The following MARCHF1 variants were observed in gnomAD, a reference collection of about 807,000 sequenced individuals.
MARCHF1 encodes E3 ubiquitin-protein ligase MARCHF1.
Under a neutral mutation model 54.2 loss-of-function variants are expected in MARCHF1, and 40 were observed. The ratio of observed to expected loss-of-function variants is 0.74; its 90% CI spans 0.57 to 0.96. The LOEUF is 0.96. MARCHF1 is among the 40% of genes least tolerant of loss of function. MARCHF1 has a pLI of 0.00. For synonymous variants in MARCHF1, 236 were observed against 236.3 expected, an observed-to-expected ratio of 1.00 and a Z score of 0.01; for missense variants, 586 against 656.5, an observed-to-expected ratio of 0.89 and a Z score of 1.17.
intron 1 of MARCHF1, among the ~76,000 whole-genome samples, chr4:164,382,701 C>T (rs925142795): frequency 6.6e-6 from 1 of 151,972 alleles, no homozygotes; most frequent in Non-Finnish European, 1.5e-5. Flanking sequence ...AAAATTGAAC[C>T]TCCTAAACAA....
intron 1 of MARCHF1, among the ~76,000 whole-genome samples, chr4:164,239,584 C>T (rs982170611): frequency 6.6e-6 from 1 of 151,996 alleles, no homozygotes; most frequent in Non-Finnish European, 1.5e-5. Context: ...TGTCAGGGTG[C>T]ACTACAGTAT....
At chr4:164,066,337 C>G (rs1334858011) in intron 2 of MARCHF1, among the ~76,000 whole-genome samples, 1 of 152,110 alleles carries the variant, frequency 6.6e-6, no homozygotes, top group East Asian at 1.9e-4. Context: ...TAACACTAGT[C>G]AGAGTGGTTA....
chr4:164,349,659 T>G (rs1730220894), intron 1 of MARCHF1, among the ~76,000 whole-genome samples: 1 of 152,206 alleles, frequency 6.6e-6, no homozygotes, highest in African/African-American at 2.4e-5. Context: ...TTTATAGGAC[T>G]TGAATATCAT....
intron 3 of MARCHF1, among the ~76,000 whole-genome samples, chr4:163,856,208 T>G (rs1426614017): frequency 6.6e-6 from 1 of 152,226 alleles, no homozygotes; most frequent in Non-Finnish European, 1.5e-5. Flanking sequence ...TGAAGTATTA[T>G]AACAAAATGC....
chr4:163,560,536 T>C (rs935270968), intron 8 of MARCHF1, among the ~76,000 whole-genome samples: 2 of 152,196 alleles, frequency 1.3e-5, no homozygotes, highest in African/African-American at 4.8e-5. Context: ...TTTAAAATTA[T>C]TTTGGCAATT....
At chr4:164,050,062 G>A (rs150638541) in intron 2 of MARCHF1, among the ~76,000 whole-genome samples, 2,230 of 151,944 alleles carry the variant, frequency 0.015, 48 homozygotes, top group African/African-American at 0.048. Flanking sequence ...ATCACTTGAG[G>A]TCAGGAGTTT....
At chr4:163,887,121 T>C (rs578079367) in intron 3 of MARCHF1, among the ~76,000 whole-genome samples, 1 of 152,186 alleles carries the variant, frequency 6.6e-6, no homozygotes, top group African/African-American at 2.4e-5. Flanking sequence ...GAGATTTTAG[T>C]AGGAAACAGA....
intron 2 of MARCHF1, among the ~76,000 whole-genome samples, chr4:164,050,966 A>C (rs868426588): frequency 6.6e-6 from 1 of 152,138 alleles, no homozygotes; most frequent in Middle Eastern, 3.4e-3. Context: ...TAATAATAAT[A>C]TCCGTGAGAT....
At chr4:164,301,027 C>T (rs1734544209) in intron 1 of MARCHF1, among the ~76,000 whole-genome samples, 1 of 151,870 alleles carries the variant, frequency 6.6e-6, no homozygotes, top group South Asian at 2.1e-4. Flanking sequence ...AGTTGCCTAG[C>T]ATAAGATCTT....
chr4:163,585,556 A>G (rs1414808629), intron 8 of MARCHF1, 193 bp downstream of exon 8: 7 of 419,910 alleles, frequency 1.7e-5, no homozygotes, highest in Middle Eastern at 6.1e-4. Flanking sequence ...GCTCTAGAAT[A>G]TAAAACATAG....
chr4:163,573,727 G>T (rs9996813), intron 8 of MARCHF1, among the ~76,000 whole-genome samples: 1 of 151,220 alleles, frequency 6.6e-6, no homozygotes, highest in South Asian at 2.1e-4. Flanking sequence ...GGACATTTGG[G>T]TTGGTCCCAA....
chr4:163,780,684 A>T (rs1747439578), intron 4 of MARCHF1, among the ~76,000 whole-genome samples: 1 of 152,220 alleles, frequency 6.6e-6, no homozygotes, highest in South Asian at 2.1e-4. Context: ...ATTTGAAAAA[A>T]GTGTGCATAG....
chr4:163,660,572 T>TAA (rs112938692), intron 5 of MARCHF1, among the ~76,000 whole-genome samples: 11 of 143,830 alleles, frequency 7.6e-5, no homozygotes, highest in South Asian at 2.2e-4. Context: ...AAGTAAAACT[T>TAA]AAAAAAAAAA....
intron 3 of MARCHF1, among the ~76,000 whole-genome samples, chr4:163,900,310 G>C (rs374763851): frequency 6.6e-6 from 1 of 150,740 alleles, no homozygotes; most frequent in Non-Finnish European, 1.5e-5. Context: ...AGCAGACATC[G>C]TTATGTTCCT....
chr4:163,700,314 G>A (rs765914243), intron 5 of MARCHF1, among the ~76,000 whole-genome samples: 1 of 151,996 alleles, frequency 6.6e-6, no homozygotes, highest in East Asian at 1.9e-4. Context: ...AGACTAGCCT[G>A]GTCAACATGG....
At chr4:163,667,313 C>G (rs1179065968) in intron 5 of MARCHF1, among the ~76,000 whole-genome samples, 1 of 152,050 alleles carries the variant, frequency 6.6e-6, no homozygotes, top group Non-Finnish European at 1.5e-5. Context: ...AGATGACCCA[C>G]CAACAAGTGA....
intron 2 of MARCHF1, among the ~76,000 whole-genome samples, chr4:164,050,131 C>G (rs1040625225): frequency 4.6e-5 from 7 of 151,468 alleles, no homozygotes; most frequent in African/African-American, 1.7e-4. Flanking sequence ...ACAAATTAGC[C>G]CGGTGTCATG....
chr4:164,146,726 G>T (rs1729756167), intron 1 of MARCHF1, among the ~76,000 whole-genome samples: 1 of 152,130 alleles, frequency 6.6e-6, no homozygotes, highest in Non-Finnish European at 1.5e-5. Context: ...AACCCTAGAA[G>T]AAAACCTAGG....
At chr4:163,935,741 T>C (rs1751782692) in intron 3 of MARCHF1, among the ~76,000 whole-genome samples, 1 of 147,936 alleles carries the variant, frequency 6.8e-6, no homozygotes, top group Admixed American at 6.9e-5. Flanking sequence ...CTTTAAGTTT[T>C]AGGGTACATG....
Sources: gnomAD v4.1 joint callset for allele counts (sites outside exome capture counted in the v4.1 genomes callset) on GRCh38, gnomAD v4.1.1 for gene constraint, MANE v1.5 for transcripts, NCBI Gene and HGNC (gene_info 2026-07-23, HGNC 2026-07-21) for gene names.